The following UNC5A variants were observed in gnomAD, a reference collection of about 807,000 sequenced individuals.
UNC5A encodes the protein netrin receptor UNC5A.
A neutral mutation model predicts 87.4 loss-of-function variants in UNC5A; 20 were observed. The observed-to-expected ratio is 0.23, with a 90% CI of 0.16 to 0.33. The LOEUF is 0.33. Among genes scored for constraint, UNC5A ranks in the 10% least tolerant of loss-of-function variants. The probability of loss-of-function intolerance (pLI) is 1.00; values close to 1 mark genes in which losing one functional copy is unlikely to be tolerated. For missense variants in UNC5A, 844 were observed against 1,133.4 expected (o/e 0.74, Z 3.67); for synonymous variants, 438 against 482.3 (o/e 0.91, Z 1.20).
At position 176,848,996 on chromosome 5, in the gene UNC5A, C is replaced by G. The variant is rs960397555; in HGVS notation, c.71-13628C>G. ...GCCCAGGGGCCTTCTTTTGGGGGCT[C>G]TGATGAGGAGGGTTCCCAGGAATGA... On this transcript the variant is annotated intron_variant, in intron 1 of 14. Coordinates refer to ENST00000329542, the MANE Select transcript of UNC5A (RefSeq NM_133369.3). The surrounding 1 kb of genome is among the most constrained non-coding windows in gnomAD (Gnocchi z 5.8). 6.6e-6 allele frequency among the ~76,000 whole-genome samples: 1 copy of G among 152,174 alleles called. No individual in the cohort carries two copies. The highest frequency in any genetic ancestry group is 1.5e-5 in the Non-Finnish European group (1 of 68,034).
At chr5:176,829,485 GGTGGGTGGATGGATGGATAAA>G in intron 1 of UNC5A, among the ~76,000 whole-genome samples, 1 of 149,430 alleles carries the variant, frequency 6.7e-6, no homozygotes, top group East Asian at 2.0e-4. Context: ...TGGATGGTTG[GGTGGGTGGATGGATGGATAAA>G]GTGGGTGGAT....
intron 13 of UNC5A, 146 bp downstream of exon 13, chr5:176,878,785 G>A: frequency 9.0e-7 from 1 of 1,112,822 alleles, no homozygotes. Context: ...GAAACCCCTT[G>A]GCAGCTTCCT....
At position 176,834,665 on chromosome 5, in the gene UNC5A, TTCTCTCTCTCTC is replaced by T. The variant is rs369472376; in HGVS notation, c.70+23873_70+23884del. The stretch of plus-strand genomic sequence containing the variant: ...TCTCTGCAGGTTCCCACGTCCCGTC[TTCTCTCTCTCTC>T]TCTCTCTCTCTCTCTCTCTCTCTCT... On this transcript the variant is annotated intron_variant, in intron 1 of 14. Coordinates refer to ENST00000329542, the MANE Select transcript of UNC5A (RefSeq NM_133369.3). Among the ~76,000 whole-genome samples, 50 of 101,370 alleles carry T rather than the reference TTCTCTCTCTCTC, an allele frequency of 4.9e-4. 1 individual carries two copies. Among genetic ancestry groups the T allele is most frequent in the African/African-American group, 1.6e-3 (41 of 25,644 alleles). 66.5% of individuals were successfully genotyped at this position (101,370 alleles called of 152,430 possible). A position where few individuals can be genotyped will look rare whatever the true frequency, so the allele number is the denominator to read the frequency against.
In UNC5A at chr5:176,874,297, T is replaced by A; in HGVS notation, c.1109T>A (p.Leu370His). Reference sequence around the variant, plus strand: ...CATCTGCTCACCATCCAGCCGGACCTCAGCACCACCACCACCACCTACCAG... The same window carrying A: ...CATCTGCTCACCATCCAGCCGGACCACAGCACCACCACCACCACCTACCAG... ...NPHLLTIQPD[L>H]STTTTTYQGS... The change falls in exon 8 of 15, where the codon CTC (leucine) becomes CAC (histidine). Residue 370 changes from leucine (L) to histidine (H), a missense_variant. Physicochemically the swap from Leu to His is moderately conservative, Grantham distance 99. Around this residue, in one of 3 missense-constraint regions of UNC5A, gnomAD observed 353 missense variants for 387.5 expected, o/e 0.91. Coordinates refer to ENST00000329542, the MANE Select transcript of UNC5A (RefSeq NM_133369.3). The surrounding 1 kb of genome is among the most constrained non-coding windows in gnomAD (Gnocchi z 7.6). 1 of 1,605,606 alleles carries A rather than the reference T, an allele frequency of 6.2e-7. No homozygotes were observed. The highest frequency in any genetic ancestry group is 8.5e-7 in the Non-Finnish European group (1 of 1,175,282).
At chr5:176,852,334 GA>G (rs1694186479) in intron 1 of UNC5A, among the ~76,000 whole-genome samples, 2 of 150,862 alleles carry the variant, frequency 1.3e-5, no homozygotes, top group Admixed American at 6.6e-5. Context: ...ATCACACACA[GA>G]AACACACACA....
rs766014653 is a variant in UNC5A, at chr5:176,879,694, T to C, written c.2364-27T>C. On this transcript the variant is annotated intron_variant, in intron 14 of 14. Coordinates refer to ENST00000329542, the MANE Select transcript of UNC5A (RefSeq NM_133369.3). ...GGTGTCGGCTGGGGCCAGGCCAGGC[T>C]GCTGACGGCCCCCCTCCCCTCCACA... is the stretch of plus-strand genomic sequence containing the variant. The C allele has an allele frequency of 2.5e-6, 4 of 1,608,906 alleles. No individual in the cohort carries two copies. The East Asian group carries it at 8.9e-5, about 36-fold the overall frequency.
At chr5:176,856,246 A>G (rs1757664443) in intron 1 of UNC5A, among the ~76,000 whole-genome samples, 1 of 152,214 alleles carries the variant, frequency 6.6e-6, no homozygotes, top group South Asian at 2.1e-4. Flanking sequence ...GGCGAGTCTT[A>G]TCTCCCAGAC....
At position 176,869,065 on chromosome 5, in the gene UNC5A, AG is replaced by A. The variant is rs1758045894; in HGVS notation, c.721+103del. 2 of 1,329,798 alleles carry A rather than the reference AG, an allele frequency of 1.5e-6. No individual in the cohort carries two copies. Among genetic ancestry groups the A allele is most frequent in the Admixed American group, 2.5e-5 (1 of 40,656 alleles). The allele number at this position is 1,329,798 out of a possible 1,614,324, so 82.4% of individuals were successfully genotyped here. ...GAAGAGAGGCCATGAGGCCAAAGCC[AG>A]GTGGACCAGATCGTGCCTGACTAGG... On this transcript the variant is annotated intron_variant, in intron 5 of 14. Transcript: ENST00000329542. The surrounding 1 kb of genome is among the most constrained non-coding windows in gnomAD (Gnocchi z 9.1).
Position 176,867,993 on chromosome 5 carries a change from T to C in UNC5A, c.293-137T>C. Reference sequence around the variant, plus strand: ...TGCCTTAAAACTTAAAATATAATAATAATAAAATTTAAAAAAAAAAAAACA... The same window carrying C: ...TGCCTTAAAACTTAAAATATAATAACAATAAAATTTAAAAAAAAAAAAACA... On this transcript the variant is annotated intron_variant, in intron 2 of 14. Coordinates refer to ENST00000329542, the MANE Select transcript of UNC5A (RefSeq NM_133369.3). 4.9e-6 allele frequency: 3 copies of C among 616,110 alleles called. 1 individual carries two copies. The South Asian group carries it at 1.8e-4, about 38-fold the overall frequency. The allele number at this position is 616,110 out of a possible 1,614,324, so 38.2% of individuals were successfully genotyped here. A position where few individuals can be genotyped will look rare whatever the true frequency, so the allele number is the denominator to read the frequency against.
intron 2 of UNC5A, among the ~76,000 whole-genome samples, chr5:176,863,478 TG>T (rs1757891683): frequency 6.6e-6 from 1 of 151,984 alleles, no homozygotes. Context: ...GCAGCAGGTC[TG>T]GAGACACTGA....
intron 1 of UNC5A, among the ~76,000 whole-genome samples, chr5:176,854,788 G>C (rs1757627506): frequency 6.6e-6 from 1 of 152,214 alleles, no homozygotes; most frequent in Non-Finnish European, 1.5e-5. Context: ...GTGGGGATGG[G>C]TGGTCCCTGC....
chr5:176,850,934 A>G (rs578123566), intron 1 of UNC5A, among the ~76,000 whole-genome samples: 7 of 151,610 alleles, frequency 4.6e-5, no homozygotes, highest in African/African-American at 1.7e-4. Flanking sequence ...AGGACTTCCC[A>G]GTGCTCCCAG....
chr5:176,860,587 G>C (rs1342920328), intron 1 of UNC5A, among the ~76,000 whole-genome samples: 5 of 152,136 alleles, frequency 3.3e-5, no homozygotes, highest in Non-Finnish European at 7.4e-5. Context: ...GTCTCAGCTG[G>C]AGGCTCTGGG....
rs532577118 is a variant in UNC5A, at chr5:176,824,571, GAA to G, written c.70+13753_70+13754del. ...TAGAACATTCTAAAAAAAAAAGAGA[GAA>G]AGAGAGAGAATTCACATAAAAATCC... On this transcript the variant is annotated intron_variant, in intron 1 of 14. Coordinates refer to ENST00000329542, the MANE Select transcript of UNC5A (RefSeq NM_133369.3). The surrounding 1 kb of genome is among the most constrained non-coding windows in gnomAD (Gnocchi z 4.2). Among the ~76,000 whole-genome samples, 87 of 152,082 alleles carry G rather than the reference GAA, an allele frequency of 5.7e-4. No individual in the cohort carries two copies. The highest frequency in any genetic ancestry group is 1.9e-3 in the African/African-American group (78 of 41,472).
chr5:176,825,727 C>T (rs1756835167), intron 1 of UNC5A, among the ~76,000 whole-genome samples: 2 of 152,286 alleles, frequency 1.3e-5, no homozygotes, highest in Admixed American at 1.3e-4. Context: ...TAGGTGCCAG[C>T]CCCAGCTCCA....
chr5:176,825,432 G>A (rs189762411), intron 1 of UNC5A, among the ~76,000 whole-genome samples: 3 of 152,332 alleles, frequency 2.0e-5, no homozygotes, highest in East Asian at 1.9e-4. Context: ...CAGGGAGAGC[G>A]GCCGGAGGAC....
intron 1 of UNC5A, among the ~76,000 whole-genome samples, chr5:176,842,947 G>C (rs1757312137): frequency 6.6e-6 from 1 of 152,032 alleles, no homozygotes; most frequent in South Asian, 2.1e-4. Flanking sequence ...GGATCACCTG[G>C]GGTCAGGAGT....
chr5:176,870,602 TG>T, intron 6 of UNC5A, 68 bp downstream of exon 6: 1 of 1,494,624 alleles, frequency 6.7e-7, no homozygotes, highest in Non-Finnish European at 8.9e-7. Flanking sequence ...CCTGGGGAGG[TG>T]GGGGCTGAGG....
rs371180267 is a variant in UNC5A, at chr5:176,853,318, C to T, written c.71-9306C>T. 1.2e-3 allele frequency among the ~76,000 whole-genome samples: 185 copies of T among 152,320 alleles called. 1 individual carries two copies. The highest frequency in any genetic ancestry group is 4.2e-3 in the African/African-American group (174 of 41,574). On this transcript the variant is annotated intron_variant, in intron 1 of 14. Transcript: ENST00000329542. The stretch of plus-strand genomic sequence containing the variant: ...AGGAGCCTGTGAGCAGTGGCCGGGG[C>T]GGAGGACAGGCCTGGTCTGCAGGAG...
Sources: allele counts gnomAD v4.1 joint callset (sites outside exome capture counted in the v4.1 genomes callset), GRCh38; gene constraint gnomAD v4.1.1; regional missense constraint gnomAD v4.1.1; non-coding constraint Gnocchi (gnomAD v3.1); transcripts MANE v1.5; gene names NCBI Gene and HGNC (gene_info 2026-07-23, HGNC 2026-07-21).